Variants in NT5DC3 observed in about 807,000 individuals in gnomAD.
NT5DC3 encodes the protein 5'-nucleotidase domain-containing protein 3.
NT5DC3 carries 42 observed loss-of-function variants against 67.8 expected under a neutral mutation model. That is an observed-to-expected ratio of 0.62 (90% CI 0.48 to 0.80). NT5DC3 has a LOEUF of 0.80. Ranked by LOEUF, NT5DC3 falls within the 30% of genes least tolerant of loss-of-function variation. The pLI, the probability that NT5DC3 is intolerant of heterozygous loss-of-function variation, is 0.00. For synonymous variants in NT5DC3, 237 were observed against 255.6 expected (o/e 0.93, Z 0.69); for missense variants, 570 against 696.4 (o/e 0.82, Z 2.04).
chr12:103,818,371 C>T (rs1007296196), intron 1 of NT5DC3, among the ~76,000 whole-genome samples: 6 of 151,444 alleles, frequency 4.0e-5, no homozygotes, highest in South Asian at 2.1e-4. Context: ...AATGAGATAA[C>T]GACCATGGCC....
At chr12:103,765,086 C>CAAAA in the NT5DC3 span, among the ~76,000 whole-genome samples, 3 of 66,512 alleles carry the variant, frequency 4.5e-5, no homozygotes, top group African/African-American at 1.3e-4. Flanking sequence ...GACTCTGTCT[C>CAAAA]AAAAAAAAAA....
chr12:103,806,128 A>G (rs1365582106), intron 4 of NT5DC3, among the ~76,000 whole-genome samples, 194 bp downstream of exon 4: 1 of 152,178 alleles, frequency 6.6e-6, no homozygotes, highest in Non-Finnish European at 1.5e-5. Flanking sequence ...GAGCTCCTTG[A>G]GGACATCAAG....
At chr12:103,822,913 A>G (rs1271184860) in intron 1 of NT5DC3, among the ~76,000 whole-genome samples, 1 of 152,220 alleles carries the variant, frequency 6.6e-6, no homozygotes, top group Non-Finnish European at 1.5e-5. Flanking sequence ...AAACTGGGGG[A>G]AAACATGCTC....
At chr12:103,838,446 A>G (rs1566136202) in intron 1 of NT5DC3, among the ~76,000 whole-genome samples, 1 of 152,294 alleles carries the variant, frequency 6.6e-6, no homozygotes, top group East Asian at 1.9e-4. Flanking sequence ...ACTCAAGCCT[A>G]TTTTGACCTC....
the NT5DC3 span, chr12:103,759,301 GA>G: frequency 6.3e-5 from 102 of 1,608,840 alleles, no homozygotes; most frequent in Middle Eastern, 1.7e-4. Context: ...CTTCTTGGGG[GA>G]ACGGGAGATA....
At chr12:103,808,101 T>A (rs1221344539) in intron 2 of NT5DC3, among the ~76,000 whole-genome samples, 1 of 152,206 alleles carries the variant, frequency 6.6e-6, no homozygotes, top group East Asian at 1.9e-4. Flanking sequence ...TCCAAGTCCT[T>A]ACTTCTCTCC....
downstream of NT5DC3, chr12:103,766,522 C>T (rs1022649701): frequency 3.2e-6 from 2 of 621,898 alleles, no homozygotes; most frequent in South Asian, 2.0e-5. Flanking sequence ...CCACCCAGTA[C>T]AGCTTCCTCC....
chr12:103,798,207 C>T (rs962277618), intron 5 of NT5DC3, among the ~76,000 whole-genome samples: 2 of 152,106 alleles, frequency 1.3e-5, no homozygotes, highest in Non-Finnish European at 2.9e-5. Context: ...AGAGGTTTCC[C>T]TGAAGGTAAA....
At chr12:103,764,959 C>T in the NT5DC3 span, among the ~76,000 whole-genome samples, 3 of 150,468 alleles carry the variant, frequency 2.0e-5, no homozygotes. Context: ...GCGGTGGTGC[C>T]TGCCTGTAAT....
intron 1 of NT5DC3, among the ~76,000 whole-genome samples, chr12:103,826,457 G>C (rs1361546912): frequency 6.6e-6 from 1 of 152,248 alleles, no homozygotes; most frequent in African/African-American, 2.4e-5. Flanking sequence ...AGAGGGATGT[G>C]ATTTGAGAAA....
At chr12:103,756,096 G>A in the NT5DC3 span, among the ~76,000 whole-genome samples, 103,826 of 149,740 alleles carry the variant, frequency 0.69, 35,776 homozygotes, top group South Asian at 0.8. Context: ...TAAGAGCATG[G>A]TCTACACAAA....
chr12:103,837,147 A>C (rs1888185828), intron 1 of NT5DC3, among the ~76,000 whole-genome samples: 1 of 152,266 alleles, frequency 6.6e-6, no homozygotes, highest in South Asian at 2.1e-4. Flanking sequence ...ACAATGTGGA[A>C]GCTGACGAGG....
At chr12:103,779,196 C>T (rs943982357) in intron 13 of NT5DC3, among the ~76,000 whole-genome samples, 5 of 152,138 alleles carry the variant, frequency 3.3e-5, no homozygotes, top group African/African-American at 1.2e-4. Context: ...CCAGCCTCCT[C>T]GGAAGTGAGG....
chr12:103,832,772 G>A (rs370728292), intron 1 of NT5DC3, among the ~76,000 whole-genome samples: 1 of 152,110 alleles, frequency 6.6e-6, no homozygotes, highest in East Asian at 1.9e-4. Context: ...AAGGATCATT[G>A]AGCATAACAG....
intron 1 of NT5DC3, 28 bp downstream of exon 1, chr12:103,840,921 G>A: frequency 1.5e-6 from 2 of 1,302,180 alleles, no homozygotes; most frequent in Non-Finnish European, 2.0e-6. Flanking sequence ...GGCCCCAGGC[G>A]CCGGGGCGGG....
chr12:103,825,150 A>C (rs17034642), intron 1 of NT5DC3, among the ~76,000 whole-genome samples: 15,428 of 152,266 alleles, frequency 0.1, 1,119 homozygotes, highest in East Asian at 0.29. Flanking sequence ...TCATTTTTCC[A>C]TTAGTTTATA....
rs1034228174 is a variant in NT5DC3 at position 103,841,163 on chromosome 12, T to A, written c.-7A>T. 3 of 720,508 alleles carry A rather than the reference T, an allele frequency of 4.2e-6. No individual in the cohort carries two copies. In the Admixed American group the frequency reaches 9.5e-5, roughly 23 times the overall value. 44.6% of individuals were successfully genotyped at this position (720,508 alleles called of 1,614,324 possible). ...CCGCCGCTGCCATGGTCATGCCTGC[T>A]GCCTGCTGCCGCCACCGCCGCCGCG... On this transcript the variant is annotated 5_prime_UTR_variant, in exon 1 of 14. Transcript: ENST00000392876.
At chr12:103,819,191 C>A (rs1055319080) in intron 1 of NT5DC3, among the ~76,000 whole-genome samples, 16 of 152,168 alleles carry the variant, frequency 1.1e-4, no homozygotes, top group African/African-American at 1.7e-4. Context: ...GACACCATCA[C>A]CTGAAAGCCT....
the NT5DC3 span, among the ~76,000 whole-genome samples, chr12:103,762,703 C>T: frequency 6.6e-6 from 1 of 152,208 alleles, no homozygotes; most frequent in Non-Finnish European, 1.5e-5. Flanking sequence ...TCACTAGGAC[C>T]TAGGAGTCTT....
Sources: allele counts gnomAD v4.1 joint callset (sites outside exome capture counted in the v4.1 genomes callset), GRCh38; gene constraint gnomAD v4.1.1; transcripts MANE v1.5; gene names NCBI Gene and HGNC (gene_info 2026-07-23, HGNC 2026-07-21).